GPC3: variants seen among roughly 807,000 people sequenced by gnomAD.
The protein encoded by GPC3 is glypican-3.
In GPC3, 3 loss-of-function variants were observed where a neutral mutation model predicts 34.4. The observed-to-expected ratio is 0.09, with a 90% CI of 0.04 to 0.23. GPC3 has a LOEUF of 0.23. Ranked by LOEUF, GPC3 falls within the 10% of genes least tolerant of loss-of-function variation. GPC3 has a pLI of 1.00. For missense variants in GPC3, 351 were observed against 445.6 expected, an observed-to-expected ratio of 0.79 and a Z score of 1.91; for synonymous variants, 177 against 174.0, an observed-to-expected ratio of 1.02 and a Z score of -0.13.
intron 2 of GPC3, among the ~76,000 whole-genome samples, chrX:133,803,371 C>T (rs1603250636): frequency 8.9e-6 from 1 of 112,400 alleles, no homozygotes; most frequent in Middle Eastern, 4.6e-3. Flanking sequence ...TTCCAAGTTC[C>T]CTACCATGGT....
At chrX:133,622,724 C>T (rs200818173) in intron 6 of GPC3, among the ~76,000 whole-genome samples, 2 of 111,917 alleles carry the variant, frequency 1.8e-5, no homozygotes, top group African/African-American at 6.5e-5. Context: ...GAGAATGGAA[C>T]CAAGTTGGAA....
chrX:133,840,996 A>G (rs948225722), intron 2 of GPC3, among the ~76,000 whole-genome samples: 1 of 109,854 alleles, frequency 9.1e-6, no homozygotes, highest in Non-Finnish European at 1.9e-5. Context: ...GTGTATGTTT[A>G]CTTTTACCCA....
intron 6 of GPC3, among the ~76,000 whole-genome samples, chrX:133,658,654 GT>G (rs990563962): frequency 1.8e-5 from 2 of 112,120 alleles, no homozygotes; most frequent in African/African-American, 6.5e-5. Context: ...CAATGTGGGT[GT>G]TTGGAGTCCA....
intron 5 of GPC3, among the ~76,000 whole-genome samples, chrX:133,677,859 G>C (rs1361468629): frequency 4.5e-5 from 5 of 111,687 alleles, no homozygotes; most frequent in African/African-American, 1.6e-4. Context: ...CAGGGAACAA[G>C]GAAAGGACAG....
At chrX:133,913,646 C>T (rs988333819) in intron 2 of GPC3, among the ~76,000 whole-genome samples, 1 of 111,939 alleles carries the variant, frequency 8.9e-6, no homozygotes, top group Non-Finnish European at 1.9e-5. Flanking sequence ...AAGGGAAAAA[C>T]ACATTCCTCC....
chrX:133,582,354 C>A (rs2069739088), intron 7 of GPC3, among the ~76,000 whole-genome samples: 1 of 111,781 alleles, frequency 8.9e-6, no homozygotes, highest in East Asian at 2.8e-4. Context: ...TGCAAGCCAG[C>A]TCTAGTACAC....
chrX:133,756,320 A>G (rs1241024324), intron 2 of GPC3, among the ~76,000 whole-genome samples: 1 of 112,338 alleles, frequency 8.9e-6, no homozygotes, highest in Non-Finnish European at 1.9e-5. Flanking sequence ...TGCAGAAAGT[A>G]CAGTTCTATT....
In GPC3 at chrX:133,843,364, A is replaced by T. The variant is rs893336250; in HGVS notation, c.338-89188T>A. Among the ~76,000 whole-genome samples the T allele has an allele frequency of 1.9e-4, 21 of 111,303 alleles. No homozygotes were observed. The Admixed American group carries it at 1.9e-3, about 10-fold the overall frequency. On this transcript the variant is annotated intron_variant, in intron 2 of 7. Transcript: ENST00000370818. The stretch of plus-strand genomic sequence containing the variant: ...CAGTTCAGGTGAGATATGGTTGTTT[A>T]AAAGAGCCTGACACCTCTACCTCTC...
chrX:133,911,334 A>T (rs1282708739), intron 2 of GPC3, among the ~76,000 whole-genome samples: 1 of 112,438 alleles, frequency 8.9e-6, no homozygotes, highest in African/African-American at 3.2e-5. Context: ...TATGCAGTAC[A>T]TATAGGACTA....
intron 3 of GPC3, among the ~76,000 whole-genome samples, chrX:133,725,516 T>A (rs2071399345): frequency 8.9e-6 from 1 of 112,273 alleles, no homozygotes; most frequent in East Asian, 2.8e-4. Flanking sequence ...CCATTTGGAC[T>A]AGGGACACCT....
intron 6 of GPC3, among the ~76,000 whole-genome samples, chrX:133,618,701 A>C (rs890167035): frequency 1.3e-5 from 1 of 78,291 alleles, no homozygotes; most frequent in Non-Finnish European, 2.4e-5. Flanking sequence ...ACACTGTATC[A>C]AAAAAAAAAA....
chrX:133,861,789 G>A (rs866386095), intron 2 of GPC3, among the ~76,000 whole-genome samples: 2 of 111,119 alleles, frequency 1.8e-5, no homozygotes, highest in South Asian at 7.7e-4. Context: ...GCCATGTGAT[G>A]TGCCTGCTCC....
chrX:133,594,014 T>C (rs2069883014), intron 7 of GPC3, among the ~76,000 whole-genome samples: 1 of 111,275 alleles, frequency 9.0e-6, no homozygotes, highest in Admixed American at 9.6e-5. Context: ...GAAAATTGCT[T>C]GAACCTGGGA....
intron 2 of GPC3, among the ~76,000 whole-genome samples, chrX:133,873,677 C>T (rs1021591730): frequency 1.2e-4 from 13 of 110,528 alleles, no homozygotes; most frequent in East Asian, 2.8e-4. Context: ...ATCAGTTTGC[C>T]GAATAAGAAT....
chrX:133,689,915 G>A (rs2071046159), intron 5 of GPC3, among the ~76,000 whole-genome samples: 1 of 111,816 alleles, frequency 8.9e-6, no homozygotes, highest in African/African-American at 3.2e-5. Context: ...TTGACCTGTG[G>A]ATATATTCTT....
At chrX:133,668,550 GT>G (rs74848621) in intron 5 of GPC3, among the ~76,000 whole-genome samples, 60 of 101,782 alleles carry the variant, frequency 5.9e-4, no homozygotes, top group Admixed American at 9.6e-4. Flanking sequence ...GGCTTGGTTA[GT>G]TTTTTTTTTT....
At chrX:133,660,354 C>T (rs2070704727) in intron 6 of GPC3, among the ~76,000 whole-genome samples, 1 of 112,342 alleles carries the variant, frequency 8.9e-6, no homozygotes, top group African/African-American at 3.2e-5. Flanking sequence ...GTCAGTGATG[C>T]CACAGTCCTC....
chrX:133,860,030 T>C (rs2075928241), intron 2 of GPC3, among the ~76,000 whole-genome samples: 1 of 110,860 alleles, frequency 9.0e-6, no homozygotes, highest in Non-Finnish European at 1.9e-5. Flanking sequence ...TGAAACTCAC[T>C]CATTATCTTG....
intron 6 of GPC3, among the ~76,000 whole-genome samples, chrX:133,611,705 A>G (rs147025148): frequency 2.7e-3 from 298 of 112,142 alleles, no homozygotes; most frequent in Non-Finnish European, 4.6e-3. Context: ...AACTAAATCA[A>G]AACTTCAAAT....
Sources: allele counts gnomAD v4.1 joint callset (sites outside exome capture counted in the v4.1 genomes callset), GRCh38; gene constraint gnomAD v4.1.1; transcripts MANE v1.5; gene names NCBI Gene and HGNC (gene_info 2026-07-23, HGNC 2026-07-21).